DCP1B: variants seen among roughly 807,000 people sequenced by gnomAD.
The protein encoded by DCP1B is decapping mRNA 1B.
A neutral mutation model predicts 60.5 loss-of-function variants in DCP1B; 47 were observed. That is an observed-to-expected ratio of 0.78 (90% CI 0.61 to 0.99). The LOEUF is 0.99. Among genes scored for constraint, DCP1B ranks in the 50% least tolerant of loss-of-function variants. The probability of loss-of-function intolerance (pLI) is 0.00; values close to 1 mark genes in which losing one functional copy is unlikely to be tolerated. For synonymous variants in DCP1B, 267 were observed against 280.3 expected, an observed-to-expected ratio of 0.95 and a Z score of 0.47; for missense variants, 725 against 756.8, an observed-to-expected ratio of 0.96 and a Z score of 0.49.
intron 1 of DCP1B, among the ~76,000 whole-genome samples, chr12:2,003,117 G>C (rs2042566419): frequency 6.6e-6 from 1 of 152,054 alleles, no homozygotes; most frequent in Non-Finnish European, 1.5e-5. Context: ...TAAGAACTTT[G>C]GGCAAAACTG....
chr12:1,958,743 T>A (rs1286338087), intron 5 of DCP1B, among the ~76,000 whole-genome samples: 1 of 138,170 alleles, frequency 7.2e-6, no homozygotes, highest in Non-Finnish European at 1.6e-5. Flanking sequence ...ACTTTTTCTA[T>A]AAACCTCCCG....
intron 1 of DCP1B, among the ~76,000 whole-genome samples, chr12:1,999,618 C>A (rs934627324): frequency 1.3e-5 from 2 of 152,044 alleles, no homozygotes; most frequent in African/African-American, 4.8e-5. Flanking sequence ...CTCAGCTACT[C>A]AGGAGGCTGA....
At chr12:1,991,166 T>C (rs1004422794) in intron 3 of DCP1B, 7 of 456,080 alleles carry the variant, frequency 1.5e-5, no homozygotes, top group African/African-American at 1.0e-4. Flanking sequence ...ACAGGTGGTG[T>C]GGAAAAAGCA....
intron 3 of DCP1B, among the ~76,000 whole-genome samples, chr12:1,969,283 CAAGA>C (rs1284924232): frequency 6.6e-6 from 1 of 152,102 alleles, no homozygotes; most frequent in Non-Finnish European, 1.5e-5. Context: ...TCAAAAGGTA[CAAGA>C]AATGTCTTTA....
intron 5 of DCP1B, among the ~76,000 whole-genome samples, chr12:1,959,089 G>A (rs1186069900): frequency 6.7e-6 from 1 of 150,062 alleles, no homozygotes; most frequent in African/African-American, 2.5e-5. Flanking sequence ...GAAGGAAACA[G>A]GGGGAAAGCT....
intron 5 of DCP1B, among the ~76,000 whole-genome samples, chr12:1,957,356 A>T (rs1221541143): frequency 2.6e-5 from 4 of 152,242 alleles, no homozygotes; most frequent in Non-Finnish European, 5.9e-5. Context: ...ATACATACAT[A>T]AACATATGTA....
At chr12:1,988,806 C>T (rs771129186) in intron 3 of DCP1B, among the ~76,000 whole-genome samples, 2 of 152,062 alleles carry the variant, frequency 1.3e-5, no homozygotes, top group Non-Finnish European at 1.5e-5. Flanking sequence ...GTACTATTTC[C>T]GTTATTTATA....
chr12:1,972,137 C>T (rs996191813), intron 3 of DCP1B, among the ~76,000 whole-genome samples: 2 of 152,218 alleles, frequency 1.3e-5, no homozygotes, highest in Non-Finnish European at 2.9e-5. Context: ...CCTCTTTTTA[C>T]TTGGAAAGCC....
intron 3 of DCP1B, among the ~76,000 whole-genome samples, chr12:1,968,467 C>A (rs144193299): frequency 6.6e-6 from 1 of 152,078 alleles, no homozygotes; most frequent in African/African-American, 2.4e-5. Flanking sequence ...GAAAACATGG[C>A]ACCTGAACAC....
intron 1 of DCP1B, 163 bp downstream of exon 1, chr12:2,004,119 C>A: frequency 1.0e-6 from 1 of 1,001,280 alleles, no homozygotes; most frequent in Non-Finnish European, 1.4e-6. Flanking sequence ...TCCCCCAAAC[C>A]CCCGAGACCC....
chr12:1,976,586 G>A (rs975563014), intron 3 of DCP1B, among the ~76,000 whole-genome samples: 3 of 152,130 alleles, frequency 2.0e-5, no homozygotes, highest in Non-Finnish European at 2.9e-5. Context: ...GGCAGATCCC[G>A]AAGAGAAATG....
chr12:1,957,040 T>C (rs933374769), intron 5 of DCP1B, among the ~76,000 whole-genome samples: 2 of 152,196 alleles, frequency 1.3e-5, no homozygotes, highest in African/African-American at 4.8e-5. Context: ...ACTGCCTACC[T>C]ACAAAACCTT....
intron 3 of DCP1B, among the ~76,000 whole-genome samples, chr12:1,988,722 T>G (rs2038516304): frequency 6.6e-6 from 1 of 152,220 alleles, no homozygotes; most frequent in African/African-American, 2.4e-5. Flanking sequence ...AACCACTCAC[T>G]TTAGAAGGCA....
chr12:1,974,701 A>G (rs2033741699), intron 3 of DCP1B, among the ~76,000 whole-genome samples: 1 of 152,164 alleles, frequency 6.6e-6, no homozygotes, highest in African/African-American at 2.4e-5. Flanking sequence ...TGATAATGGC[A>G]ATCCCAAGCT....
chr12:1,968,002 T>G, intron 3 of DCP1B, 92 bp from the exon 4 acceptor site: 1 of 977,844 alleles, frequency 1.0e-6, no homozygotes, highest in East Asian at 2.5e-5. Context: ...CATAATAATC[T>G]ATGTGTTAAA....
intron 5 of DCP1B, among the ~76,000 whole-genome samples, chr12:1,959,735 G>A (rs142078409): frequency 7.9e-5 from 12 of 152,250 alleles, no homozygotes; most frequent in South Asian, 2.1e-4. Context: ...TGAGGCGGGC[G>A]GATCACGAGG....
rs767525433 is a variant in DCP1B at position 1,949,248 on chromosome 12, C to A, written c.1611G>T (p.Pro537=). 1 of 1,614,090 alleles carries A rather than the reference C, an allele frequency of 6.2e-7. No individual in the cohort carries two copies. Among genetic ancestry groups the A allele is most frequent in the East Asian group, 2.2e-5 (1 of 44,876 alleles). The part of the protein sequence containing the change: ...PMVFAQPTSV[P]PKERESGLLP... The stretch of plus-strand genomic sequence containing the variant: ...AGAGGCCGCTCTCCCTTTCCTTTGG[C>A]GGGACGGAGGTGGGTTGTGCGAACA... The change falls in exon 8 of 9, where the codon CCG becomes CCT. Residue 537 remains proline (P), a synonymous_variant. Transcript: ENST00000280665.
intron 3 of DCP1B, among the ~76,000 whole-genome samples, chr12:1,983,951 A>G (rs2036900910): frequency 6.6e-6 from 1 of 151,940 alleles, no homozygotes; most frequent in Non-Finnish European, 1.5e-5. Context: ...TGCCTTTTGG[A>G]TGACTTTATC....
chr12:1,996,647 AAAAAAAAAC>A lies in DCP1B; in HGVS notation c.191+1279_191+1287del, dbSNP rs1333378636. On this transcript the variant is annotated intron_variant, in intron 2 of 8. Transcript: ENST00000280665. ...AAAAAAAAAAAAAAAAAAAAAAAAA[AAAAAAAAAC>A]AACAAACTCTTCTAATGTTTTAAAG... Among the ~76,000 whole-genome samples, 142 of 54,158 alleles carry A rather than the reference AAAAAAAAAC, an allele frequency of 2.6e-3. 4 individuals are homozygous for A. Among genetic ancestry groups the A allele is most frequent in the African/African-American group, 0.013 (130 of 10,174 alleles). The allele number at this position is 54,158 out of a possible 152,430, so 35.5% of individuals were successfully genotyped here.
Sources: gnomAD v4.1 joint callset for allele counts (sites outside exome capture counted in the v4.1 genomes callset) on GRCh38, gnomAD v4.1.1 for gene constraint, MANE v1.5 for transcripts, NCBI Gene and HGNC (gene_info 2026-07-23, HGNC 2026-07-21) for gene names.